The following CCDC88A variants were observed in gnomAD, a reference collection of about 807,000 sequenced individuals.
CCDC88A encodes the protein coiled-coil and HOOK domain protein 88A.
A neutral mutation model predicts 234.3 loss-of-function variants in CCDC88A; 54 were observed. The observed-to-expected ratio is 0.23, with a 90% CI of 0.19 to 0.29. The LOEUF (loss-of-function observed/expected upper bound fraction) is 0.29, where lower values mean the gene tolerates loss of function less well. CCDC88A is among the 10% of genes least tolerant of loss of function. The probability of loss-of-function intolerance (pLI) is 1.00; values close to 1 mark genes in which losing one functional copy is unlikely to be tolerated. For missense variants in CCDC88A, 1,832 were observed against 2,123.4 expected (o/e 0.86, Z 2.70); for synonymous variants, 753 against 737.8 (o/e 1.02, Z -0.33).
chr2:55,386,846 A>C (rs1574407624), intron 3 of CCDC88A, among the ~76,000 whole-genome samples: 1 of 152,230 alleles, frequency 6.6e-6, no homozygotes, highest in East Asian at 1.9e-4. Context: ...AGGCATTTTC[A>C]GACAAATATT....
At chr2:55,417,972 G>C (rs1173688580) in intron 2 of CCDC88A, 3 of 152,064 alleles carry the variant, frequency 2.0e-5, no homozygotes, top group African/African-American at 7.2e-5. Context: ...AATTCAGTTT[G>C]ATAAACTACA....
chr2:55,415,133 G>T (rs554037519), intron 2 of CCDC88A, among the ~76,000 whole-genome samples: 2 of 150,748 alleles, frequency 1.3e-5, no homozygotes, highest in Admixed American at 1.3e-4. Context: ...TATAAGACTA[G>T]CAGAGCAAAA....
intron 2 of CCDC88A, among the ~76,000 whole-genome samples, chr2:55,394,859 T>TG (rs1677271435): frequency 2.0e-5 from 3 of 152,218 alleles, no homozygotes; most frequent in South Asian, 2.1e-4. Context: ...TTTTTGTTTT[T>TG]TTTTGAGATG....
At position 55,332,600 on chromosome 2, in the gene CCDC88A, G is replaced by T; in HGVS notation, c.2821C>A (p.Arg941=). The T allele has an allele frequency of 1.2e-6, 2 of 1,612,876 alleles. No individual in the cohort carries two copies. The highest frequency in any genetic ancestry group is 1.7e-6 in the Non-Finnish European group (2 of 1,179,598). ...GTACTTTGTTCATCATGTAAGAGTCGCTCCTTATTTAACCCTATCTTCTCA... is the reference window on the plus strand; with the variant it reads ...GTACTTTGTTCATCATGTAAGAGTCTCTCCTTATTTAACCCTATCTTCTCA... ...ELEKIGLNKE[R]LLHDEQSTDD... The change falls in exon 16 of 33, where the codon CGA becomes AGA. Residue 941 remains arginine (R), a synonymous_variant. Coordinates refer to ENST00000436346, the MANE Select transcript of CCDC88A (RefSeq NM_001365480.1). This position sits in a 1 kb window ranked among gnomAD's most constrained non-coding sequence, Gnocchi z 4.5.
intron 10 of CCDC88A, chr2:55,345,600 C>G (rs932056019): frequency 6.6e-6 from 1 of 152,290 alleles, no homozygotes; most frequent in African/African-American, 2.4e-5. Context: ...TTTTGCCACA[C>G]TGGCCAGGCT....
At position 55,296,432 on chromosome 2, in the gene CCDC88A, A is replaced by G; in HGVS notation, c.4917T>C (p.Gly1639=). Residue 1639 remains glycine, a synonymous_variant, in exon 30 of 33, where the codon GGT becomes GGC. Transcript: ENST00000436346. ...TTTTCAAGTACTGGATTGGACTGCT[A>G]CCACTGCTGGACCAAGCCTCATGGT... ...LHDHEAWSSS[G]SSPIQYLKRQ... 1 of 1,614,202 alleles carries G rather than the reference A, an allele frequency of 6.2e-7. No individual in the cohort carries two copies. Among genetic ancestry groups the G allele is most frequent in the Non-Finnish European group, 8.5e-7 (1 of 1,180,026 alleles).
intron 31 of CCDC88A, 28 bp downstream of exon 31, chr2:55,295,569 G>C (rs761231065): frequency 1.2e-4 from 187 of 1,614,112 alleles, no homozygotes; most frequent in Middle Eastern, 1.2e-3. Context: ...AAGTATATGA[G>C]AGGACCACTG....
chr2:55,312,669 G>A lies in CCDC88A; in HGVS notation c.3934-90C>T. On this transcript the variant is annotated intron_variant, in intron 22 of 32. Transcript: ENST00000436346. ...TATGAAGTACTACACAAAGATTTAA[G>A]TGTTCCACTGTTTGAACAATTAGAT... The A allele has an allele frequency of 3.3e-6, 3 of 896,198 alleles. No individual in the cohort carries two copies. In the South Asian group the frequency reaches 4.9e-5, roughly 15 times the overall value. The allele number at this position is 896,198 out of a possible 1,614,324, so 55.5% of individuals were successfully genotyped here.
At chr2:55,371,582 T>G (rs932996462) in intron 5 of CCDC88A, among the ~76,000 whole-genome samples, 1 of 152,144 alleles carries the variant, frequency 6.6e-6, no homozygotes, top group Admixed American at 6.6e-5. Flanking sequence ...TGACCTAAAT[T>G]TAAACTTAGA....
At chr2:55,362,079 A>G (rs1671391705) in intron 7 of CCDC88A, 2 of 355,622 alleles carry the variant, frequency 5.6e-6, no homozygotes, top group South Asian at 8.7e-5. Flanking sequence ...AGAAAATCAG[A>G]ATAATACTAA....
chr2:55,392,472 ATC>A (rs1392907023), intron 2 of CCDC88A, among the ~76,000 whole-genome samples: 1 of 152,160 alleles, frequency 6.6e-6, no homozygotes, highest in Non-Finnish European at 1.5e-5. Context: ...AGCATGGTGT[ATC>A]TCTCTACATT....
intron 2 of CCDC88A, chr2:55,404,512 CA>C (rs977338905): frequency 1.8e-4 from 28 of 151,896 alleles, no homozygotes; most frequent in Middle Eastern, 3.4e-3. Flanking sequence ...ATTACAAAAG[CA>C]CTAAGACAAA....
intron 16 of CCDC88A, among the ~76,000 whole-genome samples, chr2:55,330,554 G>C (rs1029567829): frequency 2.0e-5 from 3 of 152,128 alleles, no homozygotes; most frequent in Non-Finnish European, 4.4e-5. Flanking sequence ...TCCCAAGGTG[G>C]AGGGAATGGC....
At chr2:55,411,685 C>T (rs1282297105) in intron 2 of CCDC88A, among the ~76,000 whole-genome samples, 1 of 146,766 alleles carries the variant, frequency 6.8e-6, no homozygotes, top group Non-Finnish European at 1.5e-5. Flanking sequence ...GAGGCTGAGA[C>T]AGGAGAATTG....
At chr2:55,411,589 G>C (rs1280134529) in intron 2 of CCDC88A, among the ~76,000 whole-genome samples, 1 of 151,656 alleles carries the variant, frequency 6.6e-6, no homozygotes, top group Non-Finnish European at 1.5e-5. Flanking sequence ...AACCAGCCTG[G>C]CCAAAATGGT....
At chr2:55,356,904 C>A (rs1670656483) in intron 7 of CCDC88A, 1 of 152,152 alleles carries the variant, frequency 6.6e-6, no homozygotes, top group Admixed American at 6.6e-5. Context: ...GAGACTTCAT[C>A]TCAAAAAAAT....
chr2:55,291,839 A>T, intron 31 of CCDC88A, 64 bp from the exon 32 acceptor site: 1 of 1,268,140 alleles, frequency 7.9e-7, no homozygotes, highest in Non-Finnish European at 1.1e-6. Context: ...TTCAGAAGAT[A>T]AGAAATACAC....
intron 17 of CCDC88A, among the ~76,000 whole-genome samples, chr2:55,325,565 T>G (rs1190536929): frequency 1.3e-5 from 2 of 152,192 alleles, no homozygotes; most frequent in African/African-American, 4.8e-5. Context: ...AGTACAGCAT[T>G]TAATAGAAAC....
chr2:55,317,953 T>A lies in CCDC88A; in HGVS notation c.3325-112A>T. ...AGCTCTAAATGAATCACAGCACACA[T>A]ATTTACATTATACTGGGAAGACGTG... On this transcript the variant is annotated intron_variant, in intron 19 of 32. Coordinates refer to ENST00000436346, the MANE Select transcript of CCDC88A (RefSeq NM_001365480.1). The surrounding 1 kb of genome is among the most constrained non-coding windows in gnomAD (Gnocchi z 4.2). The A allele has an allele frequency of 2.7e-6, 2 of 738,038 alleles. No homozygotes were observed. The highest frequency in any genetic ancestry group is 4.3e-6 in the Non-Finnish European group (2 of 460,840). 45.7% of individuals were successfully genotyped at this position (738,038 alleles called of 1,614,324 possible). A position where few individuals can be genotyped will look rare whatever the true frequency, so the allele number is the denominator to read the frequency against.
Sources: gnomAD v4.1 joint callset for allele counts (sites outside exome capture counted in the v4.1 genomes callset) on GRCh38, gnomAD v4.1.1 for gene constraint, Gnocchi (gnomAD v3.1) non-coding constraint, MANE v1.5 for transcripts, NCBI Gene and HGNC (gene_info 2026-07-23, HGNC 2026-07-21) for gene names.